The following SLC7A4 variants were observed in gnomAD, a reference collection of about 807,000 sequenced individuals.
SLC7A4 encodes the protein solute carrier family 7 member 4, also known as cationic amino acid transporter 4.
A neutral mutation model predicts 37.8 loss-of-function variants in SLC7A4; 30 were observed. The observed-to-expected ratio is 0.79, with a 90% CI of 0.59 to 1.08. SLC7A4 has a LOEUF of 1.08. Among genes scored for constraint, SLC7A4 ranks in the 50% least tolerant of loss-of-function variants. The probability of loss-of-function intolerance (pLI) is 0.00; values close to 1 mark genes in which losing one functional copy is unlikely to be tolerated. For missense variants in SLC7A4, 839 were observed against 843.2 expected (o/e 1.00, Z 0.06); for synonymous variants, 359 against 376.5 (o/e 0.95, Z 0.54).
rs370630966 is a variant in SLC7A4 at position 21,031,344 on chromosome 22, C to T, written c.469G>A (p.Val157Met). The T allele has an allele frequency of 8.7e-6, 14 of 1,611,006 alleles. No individual in the cohort carries two copies. In the South Asian group the frequency reaches 8.8e-5, roughly 10 times the overall value. The change falls in exon 2 of 5, where the codon GTG (valine) becomes ATG (methionine). Residue 157 changes from valine (V) to methionine (M), a missense_variant. By Grantham distance (21) the Val-to-Met change is conservative. Coordinates refer to ENST00000382932, the MANE Select transcript of SLC7A4 (RefSeq NM_004173.3). ...HSIRNFTETH[V>M]GSWQVPLLGH... ...AGGAGGGGCACCTGCCAAGAACCCA[C>T]GTGGGTCTCAGTGAAGTTGCGGATG...
chr22:21,032,434 T>G (rs1451340566), intron 1 of SLC7A4, 97 bp downstream of exon 1: 1 of 153,282 alleles, frequency 6.5e-6, no homozygotes, highest in African/African-American at 2.4e-5. Context: ...TAGAGCCTGC[T>G]CCGCCGCGCC....
In SLC7A4 at chr22:21,031,535, C is replaced by T. The variant is rs374211384; in HGVS notation, c.278G>A (p.Gly93Glu). 4.3e-6 allele frequency: 7 copies of T among 1,610,632 alleles called. No homozygotes were observed. Among genetic ancestry groups the T allele is most frequent in the Non-Finnish European group, 5.9e-6 (7 of 1,179,144 alleles). Residue 93 changes from glycine to glutamate, a missense_variant, in exon 2 of 5, where the codon GGG becomes GAG. Transcript: ENST00000382932. ...LLAALCYAEFGARVPRTGSAY... is the reference protein window; with the variant it reads ...LLAALCYAEFEARVPRTGSAY... The stretch of plus-strand genomic sequence containing the variant: ...AGAGCCCGTGCGTGGCACACGTGCC[C>T]CAAATTCTGCATAGCATAGGGCTGC...
At position 21,031,563 on chromosome 22, in the gene SLC7A4, G is replaced by T; in HGVS notation, c.250C>A (p.Leu84Met). 6.2e-7 allele frequency: 1 copy of T among 1,608,554 alleles called. No individual in the cohort carries two copies. The change falls in exon 2 of 5, where the codon CTG becomes ATG. Residue 84 changes from leucine (L) to methionine (M), a missense_variant. Coordinates refer to ENST00000382932, the MANE Select transcript of SLC7A4 (RefSeq NM_004173.3). ...AATTCTGCATAGCATAGGGCTGCCAGCAGGGAGGCCACAGCGGCCACACCG... is the reference window on the plus strand; with the variant it reads ...AATTCTGCATAGCATAGGGCTGCCATCAGGGAGGCCACAGCGGCCACACCG... ...SFGVAAVASL[L>M]AALCYAEFGA...
intron 2 of SLC7A4, among the ~76,000 whole-genome samples, 195 bp downstream of exon 2, chr22:21,030,636 A>G (rs1250449967): frequency 6.6e-6 from 1 of 152,206 alleles, no homozygotes; most frequent in African/African-American, 2.4e-5. Flanking sequence ...GCTATGGACC[A>G]TGTGTGGGGC....
rs747333726 is a variant in SLC7A4 at position 21,030,092 on chromosome 22, G to A, written c.1242C>T (p.Phe414=). The A allele has an allele frequency of 4.0e-5, 64 of 1,612,548 alleles. No individual in the cohort carries two copies. The highest frequency in any genetic ancestry group is 1.1e-5 in the South Asian group (1 of 90,922). The change falls in exon 3 of 5, where the codon TTC becomes TTT. Residue 414 remains phenylalanine, a synonymous_variant. Coordinates refer to ENST00000382932, the MANE Select transcript of SLC7A4 (RefSeq NM_004173.3). ...FVATSIIVLR[F]QKSSPPSSPG... The stretch of plus-strand genomic sequence containing the variant: ...GGGAGCTGGGCGGGGAAGACTTCTG[G>A]AAGCGCAGCACAATGATACTGGTGG...
chr22:21,030,085 A>G lies in SLC7A4; in HGVS notation c.1249T>C (p.Ser417Pro). Residue 417 changes from serine to proline, a missense_variant, in exon 3 of 5, where the codon TCT (serine) becomes CCT (proline). By Grantham distance (74) the Ser-to-Pro change is moderately conservative (BLOSUM62 -1). Coordinates refer to ENST00000382932, the MANE Select transcript of SLC7A4 (RefSeq NM_004173.3). Reference protein sequence around the residue: ...TSIIVLRFQKSSPPSSPGPAS... With the variant: ...TSIIVLRFQKPSPPSSPGPAS... ...GGGCCTGGGGAGCTGGGCGGGGAAGACTTCTGGAAGCGCAGCACAATGATA... is the reference window on the plus strand; with the variant it reads ...GGGCCTGGGGAGCTGGGCGGGGAAGGCTTCTGGAAGCGCAGCACAATGATA... 6.2e-7 allele frequency: 1 copy of G among 1,612,470 alleles called. No homozygotes were observed. Among genetic ancestry groups the G allele is most frequent in the Non-Finnish European group, 8.5e-7 (1 of 1,179,366 alleles).
In SLC7A4 at chr22:21,030,894, C is replaced by T; in HGVS notation, c.919G>A (p.Asp307Asn). 1.2e-6 allele frequency: 2 copies of T among 1,613,302 alleles called. No individual in the cohort carries two copies. The highest frequency in any genetic ancestry group is 1.7e-5 in the Admixed American group (1 of 59,928). ...CTGTAGCCCCGCTGGTAGAAGGCAT[C>T]TGCAAGCGCTGAGTCGGGGTCCAGG... ...HSLDPDSALA[D>N]AFYQRGYRWA... The change falls in exon 2 of 5, where the codon GAT becomes AAT. Residue 307 changes from aspartate (D) to asparagine (N), a missense_variant. Physicochemically the swap from Asp to Asn is conservative, Grantham distance 23. Transcript: ENST00000382932.
chr22:21,029,668 C>G, intron 3 of SLC7A4, 43 bp downstream of exon 3: 1 of 1,574,866 alleles, frequency 6.3e-7, no homozygotes, highest in Non-Finnish European at 8.6e-7. Flanking sequence ...GGGGAGGCAG[C>G]TGCCTGGGCC....
In SLC7A4 at chr22:21,031,656, A is replaced by T; in HGVS notation, c.157T>A (p.Ser53Thr). 12 of 1,613,188 alleles carry T rather than the reference A, an allele frequency of 7.4e-6. No homozygotes were observed. The highest frequency in any genetic ancestry group is 9.3e-6 in the Non-Finnish European group (11 of 1,179,646). Residue 53 changes from serine (S) to threonine (T), a missense_variant, in exon 2 of 5, where the codon TCG becomes ACG. Ser to Thr is a moderately conservative substitution (Grantham distance 58, BLOSUM62 1). Coordinates refer to ENST00000382932, the MANE Select transcript of SLC7A4 (RefSeq NM_004173.3). ...TLLGVGGMVG[S>T]GLYVLTGAVA... The stretch of plus-strand genomic sequence containing the variant: ...GCACCTGTGAGCACGTAGAGACCCG[A>T]GCCCACCATGCCACCCACGCCCAGA...
chr22:21,032,354 C>T (rs1928918773), intron 1 of SLC7A4, among the ~76,000 whole-genome samples, 177 bp downstream of exon 1: 2 of 152,166 alleles, frequency 1.3e-5, no homozygotes, highest in South Asian at 4.1e-4. Flanking sequence ...CTGGGGTATC[C>T]GCGCGCCAGG....
chr22:21,030,215 C>T lies in SLC7A4; in HGVS notation c.1119G>A (p.Ala373=), dbSNP rs151143122. 1.1e-4 allele frequency: 175 copies of T among 1,613,510 alleles called. 3 individuals are homozygous for T. The South Asian group carries it at 1.2e-3, about 11-fold the overall frequency. Residue 373 remains alanine, a synonymous_variant, in exon 3 of 5, where the codon GCG becomes GCA. Transcript: ENST00000382932. ...RTQVPVAGTL[A]FGLLTAFLAL... is the part of the protein sequence containing the mutation. Reference sequence around the variant, plus strand: ...CCAGGAAGGCCGTGAGGAGCCCGAACGCCAGGGTGCCCGCCACAGGCACCT... The same window carrying T: ...CCAGGAAGGCCGTGAGGAGCCCGAATGCCAGGGTGCCCGCCACAGGCACCT...
intron 2 of SLC7A4, among the ~76,000 whole-genome samples, chr22:21,030,559 G>C (rs1928851660): frequency 6.6e-6 from 1 of 152,172 alleles, no homozygotes; most frequent in African/African-American, 2.4e-5. Flanking sequence ...GCCCACTGGA[G>C]CATCGGATGA....
rs950145852 is a variant in SLC7A4, at chr22:21,031,303, G to A, written c.510C>T (p.Asp170=). ...GGAGGATGATGCCAGCAGCCAGGAA[G>A]TCCGGGTAGTGGCCCAGGAGGGGCA... The part of the protein sequence containing the change: ...WQVPLLGHYP[D]FLAAGIILLA... The change falls in exon 2 of 5, where the codon GAC becomes GAT. Residue 170 remains aspartate (D), a synonymous_variant. Transcript: ENST00000382932. 4 of 1,609,820 alleles carry A rather than the reference G, an allele frequency of 2.5e-6. No individual in the cohort carries two copies. The highest frequency in any genetic ancestry group is 1.7e-5 in the Admixed American group (1 of 59,732).
chr22:21,029,048 T>C lies in SLC7A4; in HGVS notation c.*7A>G. 1.3e-6 allele frequency: 2 copies of C among 1,599,138 alleles called. No individual in the cohort carries two copies. Among genetic ancestry groups the C allele is most frequent in the South Asian group, 2.2e-5 (2 of 89,636 alleles). ...GTGGGAGGGCGGGGCAAGTGTGGGCTGATCAGCTACTCCATATGGCCAGGG... is the reference window on the plus strand; with the variant it reads ...GTGGGAGGGCGGGGCAAGTGTGGGCCGATCAGCTACTCCATATGGCCAGGG... On this transcript the variant is annotated 3_prime_UTR_variant, in exon 5 of 5. Transcript: ENST00000382932.
chr22:21,029,488 A>G, intron 3 of SLC7A4, 44 bp from the exon 4 acceptor site: 1 of 1,441,032 alleles, frequency 6.9e-7, no homozygotes, highest in Non-Finnish European at 9.8e-7. Context: ...GGCTGCAGGA[A>G]AGATCTGCCA....
chr22:21,031,544 G>C lies in SLC7A4; in HGVS notation c.269C>G (p.Ala90Gly). 6.2e-7 allele frequency: 1 copy of C among 1,610,440 alleles called. No homozygotes were observed. Among genetic ancestry groups the C allele is most frequent in the Non-Finnish European group, 8.5e-7 (1 of 1,179,170 alleles). Residue 90 changes from alanine to glycine, a missense_variant, in exon 2 of 5, where the codon GCA becomes GGA. Ala to Gly is a moderately conservative substitution (Grantham distance 60). Transcript: ENST00000382932. Reference protein sequence around the residue: ...VASLLAALCYAEFGARVPRTG... With the variant: ...VASLLAALCYGEFGARVPRTG... ...GCGTGGCACACGTGCCCCAAATTCT[G>C]CATAGCATAGGGCTGCCAGCAGGGA...
In SLC7A4 at chr22:21,029,298, C is replaced by T. The variant is rs1292425638; in HGVS notation, c.1732+38G>A. On this transcript the variant is annotated intron_variant, in intron 4 of 4. Transcript: ENST00000382932. Reference sequence around the variant, plus strand: ...TCCAGCCCTTCCTGTCCTCTTTGCCCTCCTCCTGACCCCGGTCCCAGCCTG... The same window carrying T: ...TCCAGCCCTTCCTGTCCTCTTTGCCTTCCTCCTGACCCCGGTCCCAGCCTG... 1.9e-6 allele frequency: 3 copies of T among 1,611,932 alleles called. No individual in the cohort carries two copies. The South Asian group carries it at 3.3e-5, about 18-fold the overall frequency.
chr22:21,031,715 AGTGACGTCTCCATG>A lies in SLC7A4; in HGVS notation c.84_97del (p.Met29AlafsTer121), dbSNP rs1235996809. 1 of 1,612,744 alleles carries A rather than the reference AGTGACGTCTCCATG, an allele frequency of 6.2e-7. No homozygotes were observed. Among genetic ancestry groups the A allele is most frequent in the Admixed American group, 1.7e-5 (1 of 59,874 alleles). ...GTCCAGCGTGGACAGGCAGCGCCGC[AGTGACGTCTCCATG>A]GTGGAGTCCTCCAGCGGCTTCAGGC... On this transcript the variant is annotated frameshift_variant, in exon 2 of 5. Coordinates refer to ENST00000382932, the MANE Select transcript of SLC7A4 (RefSeq NM_004173.3). LOFTEE classifies it high-confidence loss of function.
At position 21,030,246 on chromosome 22, in the gene SLC7A4, C is replaced by G. The variant is rs146848986; in HGVS notation, c.1088G>C (p.Arg363Pro). The G allele has an allele frequency of 1.2e-6, 2 of 1,613,692 alleles. No homozygotes were observed. The highest frequency in any genetic ancestry group is 2.7e-5 in the African/African-American group (2 of 74,898). The change falls in exon 3 of 5, where the codon CGG (arginine) becomes CCG (proline). Residue 363 changes from arginine (R) to proline (P), a missense_variant. Arg to Pro is a moderately radical substitution (Grantham distance 103). Transcript: ENST00000382932. The part of the protein sequence containing the change: ...FFQVFAHVHP[R>P]TQVPVAGTLA... The stretch of plus-strand genomic sequence containing the variant: ...GGTGCCCGCCACAGGCACCTGTGTC[C>G]GGGGGTGCACATGGGCAAACACCTG...
Sources: gnomAD v4.1 joint callset for allele counts (sites outside exome capture counted in the v4.1 genomes callset) on GRCh38, gnomAD v4.1.1 for gene constraint, MANE v1.5 for transcripts, NCBI Gene and HGNC (gene_info 2026-07-23, HGNC 2026-07-21) for gene names.